The following ALKBH8 variants were observed in gnomAD, a reference collection of about 807,000 sequenced individuals.
The protein encoded by ALKBH8 is tRNA (carboxymethyluridine(34)-5-O)-methyltransferase ALKBH8.
A neutral mutation model predicts 59.8 loss-of-function variants in ALKBH8; 36 were observed. The observed-to-expected ratio is 0.60, with a 90% CI of 0.46 to 0.79. The LOEUF (loss-of-function observed/expected upper bound fraction) is 0.79, where lower values mean the gene tolerates loss of function less well. Ranked by LOEUF, ALKBH8 falls within the 30% of genes least tolerant of loss-of-function variation. The probability of loss-of-function intolerance (pLI) is 0.00; values close to 1 mark genes in which losing one functional copy is unlikely to be tolerated. For synonymous variants in ALKBH8, 276 were observed against 273.6 expected (o/e 1.01, Z -0.09); for missense variants, 768 against 801.0 (o/e 0.96, Z 0.50).
rs780409516 is a variant in ALKBH8, at chr11:107,551,852, T to C, written c.656A>G (p.His219Arg). 2 of 1,558,258 alleles carry C rather than the reference T, an allele frequency of 1.3e-6. No homozygotes were observed. The highest frequency in any genetic ancestry group is 2.5e-5 in the East Asian group (1 of 40,224). Residue 219 changes from histidine to arginine, a missense_variant, in exon 6 of 12, where the codon CAT (histidine) becomes CGT (arginine). Coordinates refer to ENST00000428149, the MANE Select transcript of ALKBH8 (RefSeq NM_138775.3). Reference protein sequence around the residue: ...EKWLRKGYIKHKPDQMTINQY... With the variant: ...EKWLRKGYIKRKPDQMTINQY... Reference sequence around the variant, plus strand: ...ATTTATGGTCATTTGATCAGGTTTATGTTTAATGTAACCTTTCCTCAACCA... The same window carrying C: ...ATTTATGGTCATTTGATCAGGTTTACGTTTAATGTAACCTTTCCTCAACCA...
At position 107,565,700 on chromosome 11, in the gene ALKBH8, C is replaced by T. The variant is rs991930642; in HGVS notation, c.-106G>A. 6 of 1,532,490 alleles carry T rather than the reference C, an allele frequency of 3.9e-6. No individual in the cohort carries two copies. The East Asian group carries it at 7.3e-5, about 19-fold the overall frequency. The allele number at this position is 1,532,490 out of a possible 1,614,324, so 94.9% of individuals were successfully genotyped here. ...GAACACCGCAGCGGATACTTGCACG[C>T]CATCTCCCCTGGGCGCGGCCATGTT... is the stretch of plus-strand genomic sequence containing the variant. On this transcript the variant is annotated 5_prime_UTR_variant, in exon 1 of 12. Coordinates refer to ENST00000428149, the MANE Select transcript of ALKBH8 (RefSeq NM_138775.3).
chr11:107,559,372 T>C (rs932946864), intron 2 of ALKBH8, among the ~76,000 whole-genome samples: 2 of 152,016 alleles, frequency 1.3e-5, no homozygotes, highest in African/African-American at 4.8e-5. Context: ...CCTTTAAGAA[T>C]ATGGAGAAAA....
chr11:107,552,322 G>A (rs1047661156), intron 5 of ALKBH8, among the ~76,000 whole-genome samples: 1 of 151,262 alleles, frequency 6.6e-6, no homozygotes, highest in African/African-American at 2.4e-5. Flanking sequence ...ACTTTTATTG[G>A]AGTCATAAAT....
At position 107,556,999 on chromosome 11, in the gene ALKBH8, A is replaced by G; in HGVS notation, c.134T>C (p.Leu45Pro). 1 of 1,560,982 alleles carries G rather than the reference A, an allele frequency of 6.4e-7. No homozygotes were observed. The highest frequency in any genetic ancestry group is 8.7e-7 in the Non-Finnish European group (1 of 1,155,474). Residue 45 changes from leucine to proline, a missense_variant, in exon 3 of 12, where the codon CTG (leucine) becomes CCG (proline). Transcript: ENST00000428149. ...IETVSYATQS[L>P]VVANGGLGNG... is the part of the protein sequence containing the mutation. ...ACCCAAACCACCATTGGCAACAACC[A>G]GGCTCTTAAAAAACAAACAAACAAA... is the stretch of plus-strand genomic sequence containing the variant.
In ALKBH8 at chr11:107,503,191, A is replaced by G. The variant is rs1218749969; in HGVS notation, c.*1467T>C. 1 of 152,206 alleles carries G rather than the reference A, an allele frequency of 6.6e-6. No homozygotes were observed. Among genetic ancestry groups the G allele is most frequent in the Non-Finnish European group, 1.5e-5 (1 of 68,030 alleles). 9.4% of individuals were successfully genotyped at this position (152,206 alleles called of 1,614,324 possible). A position where few individuals can be genotyped will look rare whatever the true frequency, so the allele number is the denominator to read the frequency against. ...TCAAGTACCAGAATTTATATCAGAA[A>G]TAAAACTATTTTTAGCCCTATATTC... On this transcript the variant is annotated 3_prime_UTR_variant, in exon 12 of 12. Coordinates refer to ENST00000428149, the MANE Select transcript of ALKBH8 (RefSeq NM_138775.3).
At chr11:107,511,652 T>C (rs1456147938) in intron 10 of ALKBH8, among the ~76,000 whole-genome samples, 3 of 152,078 alleles carry the variant, frequency 2.0e-5, no homozygotes, top group Non-Finnish European at 2.9e-5. Context: ...TCTCAGCTCA[T>C]GGCAACCTCC....
chr11:107,524,000 T>C (rs1035498718), intron 9 of ALKBH8, among the ~76,000 whole-genome samples: 6 of 152,128 alleles, frequency 3.9e-5, no homozygotes, highest in Non-Finnish European at 8.8e-5. Context: ...ACAATATATA[T>C]GTATTTTAAA....
chr11:107,549,748 T>A lies in ALKBH8; in HGVS notation c.771+5A>T, dbSNP rs1414753784. 1 of 1,540,080 alleles carries A rather than the reference T, an allele frequency of 6.5e-7. No homozygotes were observed. The highest frequency in any genetic ancestry group is 2.0e-5 in the Admixed American group (1 of 50,934). ...TGATGATAGCTAATAAAAATGACCA[T>A]TTACCTCTGACCCCAAACTGAGAGA... is the stretch of plus-strand genomic sequence containing the variant. On this transcript the variant is annotated splice_donor_5th_base_variant and intron_variant, in intron 7 of 11. Coordinates refer to ENST00000428149, the MANE Select transcript of ALKBH8 (RefSeq NM_138775.3).
intron 8 of ALKBH8, 135 bp from the exon 9 acceptor site, chr11:107,525,727 G>C (rs1863325727): frequency 1.8e-6 from 1 of 566,146 alleles, no homozygotes; most frequent in Non-Finnish European, 2.7e-6. Flanking sequence ...TGAATTGTTA[G>C]ACATTGTGGA....
At chr11:107,525,355 A>C in intron 9 of ALKBH8, 86 bp downstream of exon 9, 1 of 1,241,330 alleles carries the variant, frequency 8.1e-7, no homozygotes, top group East Asian at 3.0e-5. Flanking sequence ...ATTCAGAAAA[A>C]GCTCTCCTAG....
At chr11:107,526,696 T>C (rs1024969245) in intron 8 of ALKBH8, among the ~76,000 whole-genome samples, 3 of 152,020 alleles carry the variant, frequency 2.0e-5, no homozygotes, top group Non-Finnish European at 2.9e-5. Flanking sequence ...TTTTAGACCA[T>C]TTTACACTTT....
intron 11 of ALKBH8, among the ~76,000 whole-genome samples, chr11:107,508,520 T>C (rs1272960382): frequency 2.0e-5 from 3 of 152,180 alleles, no homozygotes; most frequent in African/African-American, 7.2e-5. Context: ...CAAAATTTGC[T>C]ATTTTAACCA....
intron 11 of ALKBH8, among the ~76,000 whole-genome samples, chr11:107,509,168 A>G (rs1214460875): frequency 6.6e-6 from 1 of 152,086 alleles, no homozygotes; most frequent in East Asian, 1.9e-4. Flanking sequence ...CCTTGCCAAC[A>G]CTTGTTATTT....
chr11:107,521,927 T>G (rs1480355929), intron 10 of ALKBH8, among the ~76,000 whole-genome samples: 7 of 152,176 alleles, frequency 4.6e-5, no homozygotes, highest in African/African-American at 1.7e-4. Flanking sequence ...GAGCCCCAAT[T>G]TCTTCATTTA....
At chr11:107,563,889 G>A (rs1007698881) in intron 1 of ALKBH8, among the ~76,000 whole-genome samples, 4 of 152,080 alleles carry the variant, frequency 2.6e-5, no homozygotes, top group African/African-American at 9.7e-5. Context: ...ATTATTGCAC[G>A]TGAAGAAAGA....
intron 9 of ALKBH8, among the ~76,000 whole-genome samples, chr11:107,524,121 C>T (rs968232378): frequency 4.0e-5 from 6 of 151,884 alleles, no homozygotes; most frequent in Admixed American, 6.6e-5. Flanking sequence ...GCAAGTGGCG[C>T]GATCATAGCT....
intron 2 of ALKBH8, among the ~76,000 whole-genome samples, chr11:107,559,887 C>T (rs1224862397): frequency 6.6e-6 from 1 of 152,142 alleles, no homozygotes; most frequent in African/African-American, 2.4e-5. Context: ...GTTTTAATCC[C>T]TGCTCCACCT....
At position 107,553,119 on chromosome 11, in the gene ALKBH8, G is replaced by A. The variant is rs778574502; in HGVS notation, c.584C>T (p.Pro195Leu). 5 of 1,592,358 alleles carry A rather than the reference G, an allele frequency of 3.1e-6. No individual in the cohort carries two copies. Among genetic ancestry groups the A allele is most frequent in the Admixed American group, 3.5e-5 (2 of 57,786 alleles). ...TAGCAATTACTTACCCCCAGATAAT[G>A]GCTTATCTTTATCTACATTGTTGTT... is the stretch of plus-strand genomic sequence containing the variant. ...YENNNVDKDK[P>L]LSGGLPDICE... The change falls in exon 5 of 12, where the codon CCA becomes CTA. Residue 195 changes from proline (P) to leucine (L), a missense_variant. Physicochemically the swap from Pro to Leu is moderately conservative, Grantham distance 98. Coordinates refer to ENST00000428149, the MANE Select transcript of ALKBH8 (RefSeq NM_138775.3).
chr11:107,534,135 A>AAAAT (rs939424999), intron 7 of ALKBH8, among the ~76,000 whole-genome samples: 18 of 152,270 alleles, frequency 1.2e-4, no homozygotes, highest in East Asian at 5.8e-4. Flanking sequence ...GTCTCACCAA[A>AAAAT]AAATAAATAA....
Sources: gnomAD v4.1 joint callset for allele counts (sites outside exome capture counted in the v4.1 genomes callset) on GRCh38, gnomAD v4.1.1 for gene constraint, MANE v1.5 for transcripts, NCBI Gene and HGNC (gene_info 2026-07-23, HGNC 2026-07-21) for gene names.